Variants in ANO7 observed in about 807,000 individuals in gnomAD.
ANO7 encodes anoctamin 7.
ANO7 carries 114 observed loss-of-function variants against 115.8 expected under a neutral mutation model. The ratio of observed to expected loss-of-function variants is 0.98; its 90% CI spans 0.85 to 1.15. The LOEUF (loss-of-function observed/expected upper bound fraction) is 1.15. ANO7 is among the 50% of genes most tolerant of loss of function. The probability of loss-of-function intolerance (pLI) is 0.00; values close to 1 mark genes in which losing one functional copy is unlikely to be tolerated. For missense variants in ANO7, 1,302 were observed against 1,201.2 expected (o/e 1.08, Z -1.24); for synonymous variants, 550 against 498.2 (o/e 1.10, Z -1.38).
In ANO7 at chr2:241,203,074, C is replaced by T. The variant is rs569618367; in HGVS notation, c.724-259C>T. 1.5e-4 allele frequency among the ~76,000 whole-genome samples: 23 copies of T among 152,278 alleles called. No homozygotes were observed. The highest frequency in any genetic ancestry group is 1.5e-3 in the Admixed American group (23 of 15,302). ...CCGCCACTGGCTTCTCTCAGGGTGGCCTCTCCAGGCCCTTCCCCGCCCTGA... is the reference window on the plus strand; with the variant it reads ...CCGCCACTGGCTTCTCTCAGGGTGGTCTCTCCAGGCCCTTCCCCGCCCTGA... On this transcript the variant is annotated intron_variant, in intron 8 of 24. Coordinates refer to ENST00000674324, the MANE Select transcript of ANO7 (RefSeq NM_001370694.2). The surrounding 1 kb of genome is among the most constrained non-coding windows in gnomAD (Gnocchi z 4.8).
intron 11 of ANO7, among the ~76,000 whole-genome samples, chr2:241,209,030 T>C (rs1424668656): frequency 6.6e-6 from 1 of 152,164 alleles, no homozygotes; most frequent in Admixed American, 6.6e-5. Flanking sequence ...GCGCCTGTAG[T>C]CCCAGCTACT....
chr2:241,235,048 T>TCC, the ANO7 span: 3 of 1,562,088 alleles, frequency 1.9e-6, no homozygotes, highest in Non-Finnish European at 1.7e-6. Flanking sequence ...CTGAAGAACT[T>TCC]CCCTAGATTC....
chr2:241,223,158 CG>C (rs2069066499), intron 21 of ANO7, 27 bp from the exon 22 acceptor site: 1 of 1,603,866 alleles, frequency 6.2e-7, no homozygotes, highest in Non-Finnish European at 8.5e-7. Context: ...GCCCTGGCTG[CG>C]CGCACTGAGT....
At chr2:241,212,023 T>C in intron 15 of ANO7, 71 bp from the exon 16 acceptor site, 1 of 1,196,278 alleles carries the variant, frequency 8.4e-7, no homozygotes, top group East Asian at 2.3e-5. Context: ...AAGGTGGTCC[T>C]AGGAGAGGGG....
chr2:241,209,428 G>C lies in ANO7; in HGVS notation c.1221G>C (p.Glu407Asp). The C allele has an allele frequency of 6.3e-7, 1 of 1,594,318 alleles. No individual in the cohort carries two copies. Among genetic ancestry groups the C allele is most frequent in the Non-Finnish European group, 8.5e-7 (1 of 1,171,830 alleles). ...ACTGCTCTGACTACGAGGACACTGAGGTGAGCCACCCCCGCTGGACCACGG... is the reference window on the plus strand; with the variant it reads ...ACTGCTCTGACTACGAGGACACTGACGTGAGCCACCCCCGCTGGACCACGG... ...RWDCSDYEDT[E>D]ERPRPQFAAS... The change falls in exon 12 of 25, where the codon GAG becomes GAC. Residue 407 changes from glutamate (E) to aspartate (D), a missense_variant and splice_region_variant. Transcript: ENST00000674324.
chr2:241,240,307 G>A, the ANO7 span: 5 of 643,678 alleles, frequency 7.8e-6, no homozygotes, highest in African/African-American at 1.8e-5. This position sits in a 1 kb window ranked among gnomAD's most constrained non-coding sequence, Gnocchi z 5.5. Flanking sequence ...TGAATACCCA[G>A]ACTGCACACC....
At chr2:241,223,100 A>G in intron 21 of ANO7, 86 bp from the exon 22 acceptor site, 1 of 1,216,804 alleles carries the variant, frequency 8.2e-7, no homozygotes, top group African/African-American at 1.5e-5. Context: ...AATGGTGGAA[A>G]AAGGGGAGAT....
intron 19 of ANO7, chr2:241,217,477 G>C: frequency 3.4e-6 from 2 of 586,106 alleles, no homozygotes; most frequent in Non-Finnish European, 5.9e-6. Context: ...AGCACGGAGC[G>C]CAGGGCAGGA....
chr2:241,226,713 C>T (rs892963764), downstream of ANO7, among the ~76,000 whole-genome samples: 2 of 152,180 alleles, frequency 1.3e-5, no homozygotes, highest in African/African-American at 4.8e-5. Flanking sequence ...CGTGAGCCAC[C>T]GTACCCGGCC....
At chr2:241,230,394 G>T (rs1310230343), downstream of ANO7, 2 of 676,814 alleles carry the variant, frequency 3.0e-6, no homozygotes, top group African/African-American at 1.8e-5. This position sits in a 1 kb window ranked among gnomAD's most constrained non-coding sequence, Gnocchi z 5.0. Flanking sequence ...TTTCAGAGTT[G>T]TTCTGAAGTC....
intron 19 of ANO7, among the ~76,000 whole-genome samples, chr2:241,217,290 AC>A (rs1262111944): frequency 6.6e-6 from 1 of 152,156 alleles, no homozygotes; most frequent in Non-Finnish European, 1.5e-5. Flanking sequence ...CAATGATCTC[AC>A]TAGTAATTCT....
chr2:241,220,462 C>T (rs1305626905), intron 21 of ANO7, among the ~76,000 whole-genome samples: 2 of 152,050 alleles, frequency 1.3e-5, no homozygotes, highest in South Asian at 2.1e-4. Context: ...TTTGGGAGGC[C>T]GAGGCAGGTG....
chr2:241,218,150 CGG>C (rs1257771179), intron 20 of ANO7, 87 bp from the exon 21 acceptor site: 3 of 199,490 alleles, frequency 1.5e-5, no homozygotes, highest in African/African-American at 1.6e-4. Flanking sequence ...AGGGGCGGGG[CGG>C]GGGGGCAGCG....
Position 241,210,330 on chromosome 2 carries a change from C to T in ANO7, c.1395C>T (p.Ile465=). The stretch of plus-strand genomic sequence containing the variant: ...TGGTCATGTGCCTCGTGTCTATCAT[C>T]CTGTACCGTGCCATCATGGCCATCG... ...AVVVMCLVSI[I]LYRAIMAIVV... Residue 465 remains isoleucine (I), a synonymous_variant, in exon 14 of 25, where the codon ATC becomes ATT. Transcript: ENST00000674324. The T allele has an allele frequency of 6.2e-7, 1 of 1,614,066 alleles. No homozygotes were observed. Among genetic ancestry groups the T allele is most frequent in the Non-Finnish European group, 8.5e-7 (1 of 1,179,988 alleles).
Position 241,212,163 on chromosome 2 carries a change from A to G in ANO7, c.1631A>G (p.Asn544Ser), listed in dbSNP as rs750211448. 10 of 1,613,960 alleles carry G rather than the reference A, an allele frequency of 6.2e-6. No homozygotes were observed. Among genetic ancestry groups the G allele is most frequent in the Middle Eastern group, 1.6e-4 (1 of 6,084 alleles). Reference protein sequence around the residue: ...TLKVFIFQFVNFYSSPVYIAF... With the variant: ...TLKVFIFQFVSFYSSPVYIAF... ...AAGGTGTTCATCTTCCAGTTCGTCA[A>G]CTTCTACTCCTCACCCGTCTACATT... The change falls in exon 16 of 25, where the codon AAC (asparagine) becomes AGC (serine). Residue 544 changes from asparagine to serine, a missense_variant. Asn to Ser is a conservative substitution (Grantham distance 46, BLOSUM62 1). Coordinates refer to ENST00000674324, the MANE Select transcript of ANO7 (RefSeq NM_001370694.2).
At chr2:241,211,959 T>A (rs542922021) in intron 15 of ANO7, 135 bp from the exon 16 acceptor site, 1 of 644,734 alleles carries the variant, frequency 1.6e-6, no homozygotes, top group Admixed American at 2.8e-5. Context: ...TCACACTTTG[T>A]CTCCTTCTTT....
chr2:241,200,062 G>T, intron 5 of ANO7, 27 bp from the exon 6 acceptor site: 4 of 1,607,382 alleles, frequency 2.5e-6, no homozygotes, highest in Non-Finnish European at 3.4e-6. Context: ...CCCGGGAGTG[G>T]GAGGAGCCAC....
At chr2:241,232,893 C>CTGGAG in the ANO7 span, among the ~76,000 whole-genome samples, 1 of 151,842 alleles carries the variant, frequency 6.6e-6, no homozygotes, top group East Asian at 1.9e-4. Flanking sequence ...GACGTGGGAG[C>CTGGAG]TGGAGGAGGC....
chr2:241,209,496 A>G lies in ANO7; in HGVS notation c.1222-2A>G, dbSNP rs2068670221. 1.3e-6 allele frequency: 2 copies of G among 1,596,242 alleles called. No individual in the cohort carries two copies. Among genetic ancestry groups the G allele is most frequent in the Non-Finnish European group, 1.7e-6 (2 of 1,171,220 alleles). Reference sequence around the variant, plus strand: ...CGCCACTGAGCACCGGCTCCCTTCCAGGAGAGGCCTCGGCCCCAGTTTGCC... The same window carrying G: ...CGCCACTGAGCACCGGCTCCCTTCCGGGAGAGGCCTCGGCCCCAGTTTGCC... On this transcript the variant is annotated splice_acceptor_variant, in intron 12 of 24. Coordinates refer to ENST00000674324, the MANE Select transcript of ANO7 (RefSeq NM_001370694.2). LOFTEE classifies it high-confidence loss of function.
Sources: gnomAD v4.1 joint callset for allele counts (sites outside exome capture counted in the v4.1 genomes callset) on GRCh38, gnomAD v4.1.1 for gene constraint, Gnocchi (gnomAD v3.1) non-coding constraint, MANE v1.5 for transcripts, NCBI Gene and HGNC (gene_info 2026-07-23, HGNC 2026-07-21) for gene names.